Variants in RBMS3 observed in about 807,000 individuals in gnomAD.
RBMS3 encodes the protein RNA-binding motif, single-stranded-interacting protein 3.
In RBMS3, 27 loss-of-function variants were observed where a neutral mutation model predicts 66.8. That is an observed-to-expected ratio of 0.40 (90% confidence interval 0.30 to 0.56). The LOEUF (loss-of-function observed/expected upper bound fraction) is 0.56, where lower values mean the gene tolerates loss of function less well. Ranked by LOEUF, RBMS3 falls within the 20% of genes least tolerant of loss-of-function variation. The pLI is 0.40. For synonymous variants in RBMS3, 188 were observed against 183.0 expected, an observed-to-expected ratio of 1.03 and a Z score of -0.22; for missense variants, 513 against 549.5, an observed-to-expected ratio of 0.93 and a Z score of 0.66.
chr3:29,770,591 A>T (rs754849358), intron 6 of RBMS3, among the ~76,000 whole-genome samples: 4 of 152,020 alleles, frequency 2.6e-5, no homozygotes, highest in Non-Finnish European at 5.9e-5. Context: ...TTCATAACTT[A>T]TTTCTAAAAT....
intron 6 of RBMS3, among the ~76,000 whole-genome samples, chr3:29,847,645 A>AT (rs555329566): frequency 0.012 from 1,735 of 143,540 alleles, 37 homozygotes; most frequent in East Asian, 0.072. Flanking sequence ...TTTGTGTTTT[A>AT]TTTTTTTTTT....
At chr3:29,397,741 A>G (rs552874089) in intron 1 of RBMS3, among the ~76,000 whole-genome samples, 9 of 151,928 alleles carry the variant, frequency 5.9e-5, no homozygotes, top group South Asian at 2.1e-4. Flanking sequence ...TTGAGATGAG[A>G]TCTTTCTGTG....
At chr3:29,380,554 G>A (rs2038714957) in intron 1 of RBMS3, among the ~76,000 whole-genome samples, 1 of 152,168 alleles carries the variant, frequency 6.6e-6, no homozygotes, top group Non-Finnish European at 1.5e-5. Flanking sequence ...AGCCTGTGAG[G>A]TAAGTATTGT....
At chr3:29,520,308 T>G (rs1358156003) in intron 3 of RBMS3, among the ~76,000 whole-genome samples, 4 of 152,222 alleles carry the variant, frequency 2.6e-5, no homozygotes, top group Non-Finnish European at 5.9e-5. Flanking sequence ...AATAATATTT[T>G]TTATAGCTAG....
intron 4 of RBMS3, among the ~76,000 whole-genome samples, chr3:29,667,772 C>T (rs2050825133): frequency 6.6e-6 from 1 of 151,984 alleles, no homozygotes; most frequent in South Asian, 2.1e-4. Context: ...AATCTCTAAG[C>T]CCATATTTAT....
rs561573322 is a variant in RBMS3 at position 29,501,676 on chromosome 3, T to G, written c.307+13177T>G. Among the ~76,000 whole-genome samples the G allele has an allele frequency of 6.6e-5, 10 of 152,240 alleles. No homozygotes were observed. The East Asian group carries it at 1.5e-3, about 24-fold the overall frequency. On this transcript the variant is annotated intron_variant, in intron 3 of 14. Coordinates refer to ENST00000383767, the MANE Select transcript of RBMS3 (RefSeq NM_001003793.3). Reference sequence around the variant, plus strand: ...TTACTTAAATATGGAAGGTAAACTCTTCAACCTATCTCCCATCAGCCTATC... The same window carrying G: ...TTACTTAAATATGGAAGGTAAACTCGTCAACCTATCTCCCATCAGCCTATC...
At chr3:29,473,559 G>T (rs1205107504) in intron 2 of RBMS3, among the ~76,000 whole-genome samples, 2 of 152,220 alleles carry the variant, frequency 1.3e-5, no homozygotes, top group Non-Finnish European at 2.9e-5. Context: ...ACCAGGGGTG[G>T]CGCTCGTTGG....
chr3:29,514,489 T>C (rs559068485), intron 3 of RBMS3, among the ~76,000 whole-genome samples: 1 of 151,918 alleles, frequency 6.6e-6, no homozygotes, highest in South Asian at 2.1e-4. Context: ...GATTTACACA[T>C]ACGAGTTGCT....
At chr3:29,607,232 T>A (rs2048344423) in intron 4 of RBMS3, among the ~76,000 whole-genome samples, 1 of 151,982 alleles carries the variant, frequency 6.6e-6, no homozygotes, top group Non-Finnish European at 1.5e-5. Context: ...TCCATTCTAT[T>A]TTTTGTTGCC....
intron 4 of RBMS3, among the ~76,000 whole-genome samples, chr3:29,726,298 G>A (rs953229813): frequency 6.6e-6 from 1 of 152,080 alleles, no homozygotes; most frequent in Non-Finnish European, 1.5e-5. Flanking sequence ...AAAACTGGCA[G>A]AAGACAAGGA....
intron 4 of RBMS3, among the ~76,000 whole-genome samples, chr3:29,712,222 G>C (rs1293605979): frequency 2.0e-5 from 3 of 152,104 alleles, no homozygotes. Flanking sequence ...GGGATACTCA[G>C]ATAGCTAGTA....
rs374427814 is a variant in RBMS3 at position 29,814,733 on chromosome 3, T to C, written c.637+51744T>C. Among the ~76,000 whole-genome samples, 47 of 152,326 alleles carry C rather than the reference T, an allele frequency of 3.1e-4. No homozygotes were observed. The East Asian group carries it at 8.9e-3, about 29-fold the overall frequency. On this transcript the variant is annotated intron_variant, in intron 6 of 14. Coordinates refer to ENST00000383767, the MANE Select transcript of RBMS3 (RefSeq NM_001003793.3). ...GGGAGAGTGTATGTGTTGAGGAATT[T>C]ATCCACGTGCACATTGTGCACATGT...
chr3:29,604,015 A>G (rs996469238), intron 4 of RBMS3, among the ~76,000 whole-genome samples: 22 of 152,004 alleles, frequency 1.4e-4, no homozygotes, highest in Admixed American at 5.9e-4. Context: ...TTCGGTGGGT[A>G]GAAGCCAGGA....
At chr3:29,664,604 A>G (rs2050681421) in intron 4 of RBMS3, among the ~76,000 whole-genome samples, 1 of 152,066 alleles carries the variant, frequency 6.6e-6, no homozygotes, top group Admixed American at 6.6e-5. Context: ...ATGGTATGAT[A>G]AGCATTATAC....
chr3:29,410,380 GAC>G (rs1428290108), intron 1 of RBMS3, among the ~76,000 whole-genome samples: 8 of 152,128 alleles, frequency 5.3e-5, no homozygotes, highest in Non-Finnish European at 1.2e-4. Context: ...CTCAAGTCTT[GAC>G]ACACACCTGT....
chr3:29,939,357 A>G (rs1319798584), intron 11 of RBMS3, among the ~76,000 whole-genome samples: 1 of 151,946 alleles, frequency 6.6e-6, no homozygotes, highest in Non-Finnish European at 1.5e-5. Context: ...ATGCAATAAT[A>G]ATACTATCTC....
At chr3:29,908,071 A>G (rs999390281) in intron 10 of RBMS3, among the ~76,000 whole-genome samples, 12 of 152,024 alleles carry the variant, frequency 7.9e-5, no homozygotes, top group African/African-American at 2.9e-4. Flanking sequence ...CAACATGGCA[A>G]AACCTTGTCC....
intron 2 of RBMS3, among the ~76,000 whole-genome samples, chr3:29,487,477 T>A (rs1449532762): frequency 6.6e-6 from 1 of 152,164 alleles, no homozygotes; most frequent in Non-Finnish European, 1.5e-5. Flanking sequence ...CAGTGGAATT[T>A]TTTGACAGTC....
intron 10 of RBMS3, among the ~76,000 whole-genome samples, chr3:29,917,407 AAAGAG>A (rs1392359334): frequency 6.6e-6 from 1 of 152,144 alleles, no homozygotes; most frequent in Non-Finnish European, 1.5e-5. Flanking sequence ...AACAACATTT[AAAGAG>A]AACCCACTAT....
Sources: allele counts gnomAD v4.1 joint callset (sites outside exome capture counted in the v4.1 genomes callset), GRCh38; gene constraint gnomAD v4.1.1; transcripts MANE v1.5; gene names NCBI Gene and HGNC (gene_info 2026-07-23, HGNC 2026-07-21).